The following HLCS variants were observed in gnomAD, a reference collection of about 807,000 sequenced individuals.
The protein encoded by HLCS is biotin--protein ligase.
In HLCS, 53 loss-of-function variants were observed where a neutral mutation model predicts 75.0. The ratio of observed to expected loss-of-function variants is 0.71; its 90% confidence interval spans 0.57 to 0.89. The LOEUF (loss-of-function observed/expected upper bound fraction) is 0.89. HLCS is among the 40% of genes least tolerant of loss of function. The pLI, the probability that HLCS is intolerant of heterozygous loss-of-function variation, is 0.00. For missense variants in HLCS, 966 were observed against 1,074.0 expected (o/e 0.90, Z 1.41); for synonymous variants, 431 against 428.6 (o/e 1.01, Z -0.07).
At position 36,795,271 on chromosome 21, in the gene HLCS, G is replaced by T. The variant is rs539786057; in HGVS notation, c.1893-27986C>A. Among the ~76,000 whole-genome samples the T allele has an allele frequency of 3.3e-5, 5 of 152,288 alleles. No homozygotes were observed. The East Asian group carries it at 9.7e-4, about 29-fold the overall frequency. ...GCAAAAAAGAGAAGAAAGGAAATGC[G>T]CTTCGTCTTCTGCGAGGACACATTG... On this transcript the variant is annotated intron_variant, in intron 6 of 10. Transcript: ENST00000674895.
At chr21:36,778,404 C>T (rs371120801) in intron 6 of HLCS, among the ~76,000 whole-genome samples, 73 of 152,226 alleles carry the variant, frequency 4.8e-4, no homozygotes, top group African/African-American at 1.4e-3. Context: ...CACAGCCTCC[C>T]GAGTAGCTGG....
chr21:36,812,119 A>G (rs1186333148), intron 6 of HLCS, among the ~76,000 whole-genome samples: 1 of 152,124 alleles, frequency 6.6e-6, no homozygotes, highest in Non-Finnish European at 1.5e-5. Context: ...CCTCACAAAC[A>G]TGAGGAAGCG....
At chr21:36,756,776 G>A in intron 9 of HLCS, 21 bp from the exon 10 acceptor site, 2 of 1,613,704 alleles carry the variant, frequency 1.2e-6, no homozygotes, top group Non-Finnish European at 1.7e-6. Context: ...ACAAACAATT[G>A]AGCAGCTCAG....
intron 5 of HLCS, among the ~76,000 whole-genome samples, chr21:36,910,867 C>T (rs537420464): frequency 2.4e-4 from 37 of 152,250 alleles, no homozygotes; most frequent in Admixed American, 1.4e-3. Context: ...AAAACTGCTG[C>T]TTCCTGCTTC....
At chr21:36,836,717 A>C (rs1471890015) in intron 6 of HLCS, among the ~76,000 whole-genome samples, 2 of 151,884 alleles carry the variant, frequency 1.3e-5, no homozygotes, top group Non-Finnish European at 2.9e-5. Flanking sequence ...ATGAACAGAC[A>C]CTTCTCAAAA....
In HLCS at chr21:36,791,722, G is replaced by A. The variant is rs544227849; in HGVS notation, c.1893-24437C>T. Among the ~76,000 whole-genome samples, 79 of 152,216 alleles carry A rather than the reference G, an allele frequency of 5.2e-4. 1 individual carries two copies. Among genetic ancestry groups the A allele is most frequent in the African/African-American group, 1.7e-3 (72 of 41,556 alleles). ...CACCCTCGAGGGTGGGCCCTCGAGG[G>A]CCACGGAAGCGGGTGCCACGGGGCT... is the stretch of plus-strand genomic sequence containing the variant. On this transcript the variant is annotated intron_variant, in intron 6 of 10. Coordinates refer to ENST00000674895, the MANE Select transcript of HLCS (RefSeq NM_001352514.2).
chr21:36,812,690 A>G lies in HLCS; in HGVS notation c.1893-45405T>C, dbSNP rs2061547112. The stretch of plus-strand genomic sequence containing the variant: ...ACATATGAAAGAGCAAGCCAGAGAC[A>G]ACATACCAATATACAGAAAAAATAG... On this transcript the variant is annotated intron_variant, in intron 6 of 10. Transcript: ENST00000674895. 1.3e-5 allele frequency among the ~76,000 whole-genome samples: 2 copies of G among 152,202 alleles called. 1 individual carries two copies. The highest frequency in any genetic ancestry group is 4.8e-5 in the African/African-American group (2 of 41,448).
rs983799159 is a variant in HLCS at position 36,939,104 on chromosome 21, C to T, written c.331-110G>A. 8.4e-6 allele frequency: 8 copies of T among 957,114 alleles called. No individual in the cohort carries two copies. The African/African-American group carries it at 9.9e-5, about 12-fold the overall frequency. The allele number at this position is 957,114 out of a possible 1,614,324, so 59.3% of individuals were successfully genotyped here. A position where few individuals can be genotyped will look rare whatever the true frequency, so the allele number is the denominator to read the frequency against. ...CCTTGAGGCTCCTACCACTAAATTA[C>T]AGTCATTAATAACAAATTACTGGAT... On this transcript the variant is annotated intron_variant, in intron 2 of 10. Coordinates refer to ENST00000674895, the MANE Select transcript of HLCS (RefSeq NM_001352514.2).
intron 6 of HLCS, among the ~76,000 whole-genome samples, chr21:36,891,307 C>T (rs566307637): frequency 2.6e-5 from 4 of 152,320 alleles, no homozygotes; most frequent in African/African-American, 9.6e-5. Flanking sequence ...GCTGGACTTC[C>T]CATCTCAGCC....
Position 36,966,425 on chromosome 21 carries a change from G to GGCCCCCCCCCCCCC in HLCS, c.195+18_195+19insGGGGGGGGGGGGGC. On this transcript the variant is annotated intron_variant, in intron 1 of 10. Transcript: ENST00000674895. ...CCGGCTCGCGGGGCCCGGGTCGCCC[G>GGCCCCCCCCCCCCC]CCCGCCCGACCCGCCCACCTGGCTG... is the stretch of plus-strand genomic sequence containing the variant. The GGCCCCCCCCCCCCC allele has an allele frequency of 5.1e-6, 1 of 195,440 alleles. No individual in the cohort carries two copies. The highest frequency in any genetic ancestry group is 8.6e-6 in the Non-Finnish European group (1 of 116,692). 12.1% of individuals were successfully genotyped at this position (195,440 alleles called of 1,614,324 possible).
At chr21:36,948,835 A>C (rs1020708461) in intron 2 of HLCS, among the ~76,000 whole-genome samples, 2 of 151,966 alleles carry the variant, frequency 1.3e-5, no homozygotes, top group African/African-American at 4.8e-5. Flanking sequence ...CACTGCAAGC[A>C]GGAGCTGAAA....
At chr21:36,784,670 G>C (rs1215970759) in intron 6 of HLCS, among the ~76,000 whole-genome samples, 1 of 151,986 alleles carries the variant, frequency 6.6e-6, no homozygotes, top group Non-Finnish European at 1.5e-5. Context: ...AGGCTATAAG[G>C]CTTTCTAGAA....
chr21:36,825,705 C>A (rs545429189), intron 6 of HLCS, among the ~76,000 whole-genome samples: 97 of 152,314 alleles, frequency 6.4e-4, no homozygotes, highest in Admixed American at 3.5e-3. Context: ...CACCTGCAGG[C>A]CACATATGCA....
chr21:36,875,662 G>A (rs1414120402), intron 6 of HLCS, among the ~76,000 whole-genome samples: 1 of 152,236 alleles, frequency 6.6e-6, no homozygotes, highest in Non-Finnish European at 1.5e-5. Flanking sequence ...CCTGAGAGCT[G>A]TTCTGCCACT....
intron 1 of HLCS, among the ~76,000 whole-genome samples, chr21:36,965,918 G>C (rs376567181): frequency 9.9e-6 from 1 of 100,938 alleles, no homozygotes; most frequent in East Asian, 3.7e-4. Flanking sequence ...GCCGACCTAA[G>C]TGTTTTTTTT....
chr21:36,930,007 C>T (rs575594933), intron 5 of HLCS, among the ~76,000 whole-genome samples: 6 of 152,278 alleles, frequency 3.9e-5, no homozygotes, highest in East Asian at 3.9e-4. Context: ...TTCCCCCTAA[C>T]GTGGAAAGGG....
At chr21:36,890,077 T>C (rs1308386497) in intron 6 of HLCS, among the ~76,000 whole-genome samples, 1 of 152,192 alleles carries the variant, frequency 6.6e-6, no homozygotes, top group Non-Finnish European at 1.5e-5. Flanking sequence ...TCCTCCTGTG[T>C]TCATTCTCCT....
At chr21:36,889,960 G>T (rs116689307) in intron 6 of HLCS, among the ~76,000 whole-genome samples, 1 of 152,166 alleles carries the variant, frequency 6.6e-6, no homozygotes, top group Admixed American at 6.5e-5. Flanking sequence ...AGGTGCCAAG[G>T]GAGAGACTGG....
intron 1 of HLCS, among the ~76,000 whole-genome samples, chr21:36,976,288 T>C (rs559601533): frequency 3.3e-5 from 5 of 152,142 alleles, no homozygotes; most frequent in African/African-American, 1.2e-4. Context: ...GAAAACAACC[T>C]GCTCTGAAAA....
Sources: gnomAD v4.1 joint callset for allele counts (sites outside exome capture counted in the v4.1 genomes callset) on GRCh38, gnomAD v4.1.1 for gene constraint, MANE v1.5 for transcripts, NCBI Gene and HGNC (gene_info 2026-07-23, HGNC 2026-07-21) for gene names.